Variants in CHODL observed in about 807,000 individuals in gnomAD.
CHODL encodes the protein chondrolectin, also known as transmembrane protein MT75.
In CHODL, 29 loss-of-function variants were observed where a neutral mutation model predicts 34.5. The ratio of observed to expected loss-of-function variants is 0.84; its 90% CI spans 0.63 to 1.15. The LOEUF (loss-of-function observed/expected upper bound fraction) is 1.15, where lower values mean the gene tolerates loss of function less well. Ranked by LOEUF, CHODL falls within the 50% of genes most tolerant of loss-of-function variation. The pLI, the probability that CHODL is intolerant of heterozygous loss-of-function variation, is 0.00. For synonymous variants in CHODL, 125 were observed against 116.1 expected (o/e 1.08, Z -0.49); for missense variants, 332 against 332.5 (o/e 1.00, Z 0.01).
chr21:17,939,527 TAAAC>T lies in CHODL; in HGVS notation c.-145+22130_-145+22133del, dbSNP rs375227761. On this transcript the variant is annotated intron_variant, in intron 1 of 6. Coordinates refer to the CHODL transcript ENST00000400127. ...AAGTAATTCACAATTAAATAATAATTAAACAATAAATATAAATGTTGATAAATAA... is the reference window on the plus strand; with the variant it reads ...AAGTAATTCACAATTAAATAATAATTAATAAATATAAATGTTGATAAATAA... Among the ~76,000 whole-genome samples the T allele has an allele frequency of 1.2e-4, 18 of 152,266 alleles. No homozygotes were observed. In the East Asian group the frequency reaches 2.5e-3, roughly 21 times the overall value.
At chr21:18,103,709 T>C (rs1601007573) in intron 2 of CHODL, among the ~76,000 whole-genome samples, 1 of 152,046 alleles carries the variant, frequency 6.6e-6, no homozygotes, top group East Asian at 1.9e-4. Flanking sequence ...GACATGCCAA[T>C]TCCTGACATC....
intron 2 of CHODL, among the ~76,000 whole-genome samples, chr21:18,028,560 G>T (rs866979321): frequency 4.0e-5 from 6 of 151,672 alleles, no homozygotes; most frequent in Middle Eastern, 3.4e-3. Flanking sequence ...TTAGCTGGGC[G>T]TGGTGGCAGG....
upstream of CHODL, among the ~76,000 whole-genome samples, chr21:18,240,370 T>A (rs2074070149): frequency 6.6e-6 from 1 of 152,120 alleles, no homozygotes; most frequent in Non-Finnish European, 1.5e-5. Context: ...ACAGAACTTC[T>A]CCAATTCATT....
intron 2 of CHODL, among the ~76,000 whole-genome samples, chr21:18,123,292 C>A (rs1158739156): frequency 6.6e-6 from 1 of 152,172 alleles, no homozygotes; most frequent in Non-Finnish European, 1.5e-5. Context: ...TTTGGCTTAA[C>A]CCCAAGTTCC....
intron 2 of CHODL, among the ~76,000 whole-genome samples, chr21:18,062,472 A>C (rs1010851441): frequency 3.3e-5 from 5 of 151,596 alleles, no homozygotes; most frequent in African/African-American, 9.7e-5. Context: ...GCCTCTCTCA[A>C]AGTGTAGACA....
Position 18,102,599 on chromosome 21 carries a change from C to CA in CHODL, c.-45+74634dup, listed in dbSNP as rs199962219. ...TGATAACTATAAAAGTGCTGTTTAA[C>CA]AAAAAATCACTGGTGAGTACAGTGT... On this transcript the variant is annotated intron_variant, in intron 2 of 6. Coordinates refer to the CHODL transcript ENST00000400127. 4.7e-3 allele frequency among the ~76,000 whole-genome samples: 708 copies of CA among 152,166 alleles called. 6 individuals are homozygous for CA. Among genetic ancestry groups the CA allele is most frequent in the African/African-American group, 0.016 (668 of 41,530 alleles).
rs377441878 is a variant in CHODL, at chr21:18,130,078, C to A, written c.-45+102107C>A. On this transcript the variant is annotated intron_variant, in intron 2 of 6. Coordinates refer to the CHODL transcript ENST00000400127. ...GAAGGAATAGGGGGCAAGTTGATATCTATGTCTTAATCTGTTTTTTTCCCC... is the reference window on the plus strand; with the variant it reads ...GAAGGAATAGGGGGCAAGTTGATATATATGTCTTAATCTGTTTTTTTCCCC... 2.6e-5 allele frequency among the ~76,000 whole-genome samples: 4 copies of A among 152,068 alleles called. No homozygotes were observed. The East Asian group carries it at 5.8e-4, about 22-fold the overall frequency.
intron 2 of CHODL, among the ~76,000 whole-genome samples, chr21:18,142,376 A>G (rs2072814145): frequency 1.3e-5 from 2 of 152,202 alleles, no homozygotes; most frequent in African/African-American, 4.8e-5. Flanking sequence ...CAACCTACTT[A>G]TCCAATTATT....
intron 2 of CHODL, among the ~76,000 whole-genome samples, chr21:18,223,432 G>T (rs979612143): frequency 2.0e-5 from 3 of 152,144 alleles, no homozygotes; most frequent in Non-Finnish European, 4.4e-5. Flanking sequence ...TAGGAGAAAT[G>T]GTCCATGAAA....
intron 1 of CHODL, among the ~76,000 whole-genome samples, chr21:18,014,857 G>C (rs1462728561): frequency 6.6e-6 from 1 of 152,194 alleles, no homozygotes; most frequent in Non-Finnish European, 1.5e-5. Flanking sequence ...TGCCAAGGCT[G>C]AGGTATTTCT....
chr21:18,058,157 A>G (rs769947363), intron 2 of CHODL, among the ~76,000 whole-genome samples: 7 of 152,158 alleles, frequency 4.6e-5, no homozygotes, highest in South Asian at 2.1e-4. Context: ...ATGAGAGATC[A>G]TCTCACCAGA....
chr21:18,248,937 A>G lies in CHODL; in HGVS notation c.79+3635A>G, dbSNP rs1432609761. ...AATACATATATATGTATACATATAT[A>G]TTATGTATACATATATATGTAATAT... is the stretch of plus-strand genomic sequence containing the variant. On this transcript the variant is annotated intron_variant, in intron 1 of 5. Transcript: ENST00000299295. Among the ~76,000 whole-genome samples, 124 of 113,346 alleles carry G rather than the reference A, an allele frequency of 1.1e-3. 1 individual carries two copies. The highest frequency in any genetic ancestry group is 2.7e-3 in the East Asian group (12 of 4,474). The allele number at this position is 113,346 out of a possible 152,430, so 74.4% of individuals were successfully genotyped here. A position where few individuals can be genotyped will look rare whatever the true frequency, so the allele number is the denominator to read the frequency against.
upstream of CHODL, among the ~76,000 whole-genome samples, chr21:18,242,402 A>C (rs1052509904): frequency 7.2e-5 from 11 of 152,044 alleles, no homozygotes; most frequent in Non-Finnish European, 1.6e-4. Flanking sequence ...ATTTTAATTC[A>C]TAGCCCCTAC....
intron 5 of CHODL, among the ~76,000 whole-genome samples, chr21:18,264,993 C>G (rs150028977): frequency 2.0e-5 from 3 of 151,916 alleles, no homozygotes; most frequent in Non-Finnish European, 4.4e-5. Flanking sequence ...AATTCAGCAT[C>G]CATTAGTGAC....
intron 2 of CHODL, among the ~76,000 whole-genome samples, chr21:18,151,859 T>C (rs1482359106): frequency 6.6e-6 from 1 of 152,142 alleles, no homozygotes; most frequent in South Asian, 2.1e-4. Flanking sequence ...AAAAACAGTT[T>C]GAGGTTTTTT....
upstream of CHODL, among the ~76,000 whole-genome samples, chr21:18,243,077 GCCATGGGTATCA>G (rs1331925836): frequency 6.6e-6 from 1 of 152,176 alleles, no homozygotes; most frequent in Admixed American, 6.5e-5. Context: ...ATTTGGAGAA[GCCATGGGTATCA>G]CCACCATCAA....
At chr21:17,972,186 TAATG>T (rs1332455221) in intron 1 of CHODL, among the ~76,000 whole-genome samples, 1 of 152,226 alleles carries the variant, frequency 6.6e-6, no homozygotes, top group South Asian at 2.1e-4. Flanking sequence ...ACCCATATCA[TAATG>T]AATGGGCAAA....
intron 1 of CHODL, among the ~76,000 whole-genome samples, chr21:17,923,976 T>C (rs74699663): frequency 0.027 from 4,151 of 152,286 alleles, 183 homozygotes; most frequent in African/African-American, 0.092. Context: ...GTTGACATGC[T>C]GTTCTTCCCC....
At chr21:18,223,411 C>A (rs1007674741) in intron 2 of CHODL, among the ~76,000 whole-genome samples, 14 of 152,140 alleles carry the variant, frequency 9.2e-5, no homozygotes, top group African/African-American at 3.1e-4. Flanking sequence ...TATAAGAGCT[C>A]AGAGGCCTCC....
Sources: allele counts gnomAD v4.1 joint callset (sites outside exome capture counted in the v4.1 genomes callset), GRCh38; gene constraint gnomAD v4.1.1; transcripts MANE v1.5; gene names NCBI Gene and HGNC (gene_info 2026-07-23, HGNC 2026-07-21).